LINS1: variants seen among roughly 807,000 people sequenced by gnomAD.
The protein encoded by LINS1 is protein Lines homolog 1.
LINS1 carries 27 observed loss-of-function variants against 41.6 expected under a neutral mutation model. The ratio of observed to expected loss-of-function variants is 0.65; its 90% CI spans 0.48 to 0.89. LINS1 has a LOEUF of 0.89. Ranked by LOEUF, LINS1 falls within the 40% of genes least tolerant of loss-of-function variation. LINS1 has a pLI of 0.00. For missense variants in LINS1, 955 were observed against 884.1 expected (o/e 1.08, Z -1.02); for synonymous variants, 336 against 312.9 (o/e 1.07, Z -0.78).
intron 3 of LINS1, among the ~76,000 whole-genome samples, chr15:100,579,112 C>G (rs1027361288): frequency 2.5e-4 from 38 of 151,838 alleles, no homozygotes; most frequent in Non-Finnish European, 4.9e-4. Flanking sequence ...CAACATGGCA[C>G]ATGTATACAT....
Position 100,583,758 on chromosome 15 carries a change from C to A in LINS1, c.-103-2813G>T, listed in dbSNP as rs187914197. 1.8e-3 allele frequency among the ~76,000 whole-genome samples: 275 copies of A among 152,312 alleles called. 3 individuals carry two copies. The highest frequency in any genetic ancestry group is 6.1e-3 in the African/African-American group (254 of 41,574). ...TCTTCAAGAGGTTTCCCATTATGAA[C>A]ACTCTCCCTATTGCAACTGCCTGAA... On this transcript the variant is annotated intron_variant, in intron 1 of 6. Transcript: ENST00000314742.
chr15:100,580,187 T>C (rs746875723), intron 3 of LINS1, 76 bp downstream of exon 3: 115 of 1,139,392 alleles, frequency 1.0e-4, no homozygotes, highest in Non-Finnish European at 1.4e-4. Flanking sequence ...CAGTGAGACC[T>C]TGTCTCCACA....
rs759233934 is a variant in LINS1 at position 100,569,920 on chromosome 15, A to G, written c.1592T>C (p.Leu531Pro). ...LEYFVRYLKL[L>P]QKDWDNFFTI... is the part of the protein sequence containing the mutation. Reference sequence around the variant, plus strand: ...GAAAAAATTATCCCAGTCCTTTTGCAGTAATTTTAAATATCTAACAAAATA... The same window carrying G: ...GAAAAAATTATCCCAGTCCTTTTGCGGTAATTTTAAATATCTAACAAAATA... The change falls in exon 7 of 7, where the codon CTG becomes CCG. Residue 531 changes from leucine (L) to proline (P), a missense_variant. Transcript: ENST00000314742. 1.2e-6 allele frequency: 2 copies of G among 1,602,680 alleles called. No individual in the cohort carries two copies. Among genetic ancestry groups the G allele is most frequent in the Admixed American group, 3.4e-5 (2 of 58,624 alleles).
At position 100,570,088 on chromosome 15, in the gene LINS1, T is replaced by A; in HGVS notation, c.1424A>T (p.Gln475Leu). Residue 475 changes from glutamine to leucine, a missense_variant, in exon 7 of 7, where the codon CAG becomes CTG. Coordinates refer to ENST00000314742, the MANE Select transcript of LINS1 (RefSeq NM_001040616.3). ...RGCEATESLTQGKEMWDHHTH... is the reference protein window; with the variant it reads ...RGCEATESLTLGKEMWDHHTH... The stretch of plus-strand genomic sequence containing the variant: ...GTGATGGTCCCACATTTCTTTTCCC[T>A]GAGTCAAGCTTTCAGTGGCTTCACA... 1 of 1,585,836 alleles carries A rather than the reference T, an allele frequency of 6.3e-7. No individual in the cohort carries two copies. The highest frequency in any genetic ancestry group is 8.5e-7 in the Non-Finnish European group (1 of 1,174,166).
intron 1 of LINS1, among the ~76,000 whole-genome samples, chr15:100,596,321 C>T (rs1248823032): frequency 2.0e-5 from 3 of 152,070 alleles, no homozygotes; most frequent in Non-Finnish European, 4.4e-5. Flanking sequence ...GGGGTGGGGC[C>T]CAGTAATTTG....
rs542250712 is a variant in LINS1, at chr15:100,591,133, T to A, written c.-103-10188A>T. Among the ~76,000 whole-genome samples the A allele has an allele frequency of 2.1e-3, 316 of 152,234 alleles. 2 individuals are homozygous for A. The highest frequency in any genetic ancestry group is 6.8e-3 in the Middle Eastern group (2 of 294). ...CAGAGGTTGCAGTGAGCCAAGATCA[T>A]GCCATTGCACTCCAGCCTGGGCGAA... On this transcript the variant is annotated intron_variant, in intron 1 of 6. Transcript: ENST00000314742.
At chr15:100,575,355 A>C (rs140548069) in intron 3 of LINS1, among the ~76,000 whole-genome samples, 6,880 of 152,230 alleles carry the variant, frequency 0.045, 181 homozygotes, top group Middle Eastern at 0.082. Context: ...GAAAACAAAA[A>C]AAGGCAGGGG....
intron 1 of LINS1, among the ~76,000 whole-genome samples, chr15:100,595,397 G>A (rs2039202459): frequency 6.6e-6 from 1 of 151,570 alleles, no homozygotes; most frequent in Non-Finnish European, 1.5e-5. Flanking sequence ...CACCAAAGAG[G>A]ATATAAAGAT....
At chr15:100,600,232 C>T (rs1437604218) in intron 1 of LINS1, among the ~76,000 whole-genome samples, 2 of 152,136 alleles carry the variant, frequency 1.3e-5, no homozygotes, top group Non-Finnish European at 2.9e-5. Context: ...GAATAAAAGA[C>T]AGATTGGTCA....
chr15:100,576,301 G>A (rs369132234), intron 3 of LINS1, among the ~76,000 whole-genome samples: 1 of 152,112 alleles, frequency 6.6e-6, no homozygotes, highest in African/African-American at 2.4e-5. Context: ...GAAGAAAAGA[G>A]AGAAGAATCA....
chr15:100,572,767 CTT>C (rs2037903483), intron 5 of LINS1: 5 of 980,216 alleles, frequency 5.1e-6, no homozygotes, highest in Non-Finnish European at 4.8e-6. Context: ...AAATGGAAGA[CTT>C]TGAACTCCTG....
chr15:100,592,232 T>G (rs1195308948), intron 1 of LINS1, among the ~76,000 whole-genome samples: 2 of 152,262 alleles, frequency 1.3e-5, no homozygotes, highest in African/African-American at 4.8e-5. Context: ...TCTCTGCTTT[T>G]GTTGCTTCAT....
intron 6 of LINS1, 104 bp downstream of exon 6, chr15:100,571,789 TC>T (rs2037839948): frequency 3.0e-6 from 4 of 1,326,146 alleles, no homozygotes; most frequent in South Asian, 1.2e-5. Context: ...CAGGATGTTT[TC>T]CCCCAAATGA....
chr15:100,580,223 A>T, intron 3 of LINS1, 40 bp downstream of exon 3: 1 of 1,424,886 alleles, frequency 7.0e-7, no homozygotes, highest in South Asian at 1.2e-5. Flanking sequence ...AAAAAAATTA[A>T]GAAAGAGAAA....
intron 1 of LINS1, among the ~76,000 whole-genome samples, chr15:100,598,693 C>T (rs1432729154): frequency 6.6e-6 from 1 of 152,226 alleles, no homozygotes; most frequent in Non-Finnish European, 1.5e-5. Context: ...AATTTCTCTA[C>T]CCAGCCCCAT....
At chr15:100,598,254 T>G (rs1464893624) in intron 1 of LINS1, among the ~76,000 whole-genome samples, 1 of 152,254 alleles carries the variant, frequency 6.6e-6, no homozygotes, top group Non-Finnish European at 1.5e-5. Context: ...TAGGTACTTA[T>G]ATTTGTGGAA....
rs766227804 is a variant in LINS1 at position 100,580,571 on chromosome 15, A to T, written c.272T>A (p.Leu91His). 2.5e-6 allele frequency: 4 copies of T among 1,613,946 alleles called. No homozygotes were observed. In the Admixed American group the frequency reaches 6.7e-5, roughly 27 times the overall value. ...CATCACTTTGATCACTGTTAACTGAAGGAGCATTACTTCTCTGGAACCGCT... is the reference window on the plus strand; with the variant it reads ...CATCACTTTGATCACTGTTAACTGATGGAGCATTACTTCTCTGGAACCGCT... The part of the protein sequence containing the change: ...QMSGSREVML[L>H]QLTVIKVMTT... Residue 91 changes from leucine to histidine, a missense_variant, in exon 2 of 7, where the codon CTT becomes CAT. Transcript: ENST00000314742.
chr15:100,592,881 AT>A (rs56213128), intron 1 of LINS1, among the ~76,000 whole-genome samples: 4 of 152,358 alleles, frequency 2.6e-5, no homozygotes, highest in Non-Finnish European at 5.9e-5. Flanking sequence ...ACTCCTCTTA[AT>A]TACACTGTCT....
chr15:100,568,606 G>A lies in LINS1; in HGVS notation c.*632C>T, dbSNP rs1174178367. 6.6e-6 allele frequency: 1 copy of A among 152,438 alleles called. No homozygotes were observed. The highest frequency in any genetic ancestry group is 1.5e-5 in the Non-Finnish European group (1 of 68,248). 9.4% of individuals were successfully genotyped at this position (152,438 alleles called of 1,614,324 possible). ...CTGCTGAAGCCTGAGTTTGGATTCTGGCCTCCAAAACTATGAGGATAATTC... is the reference window on the plus strand; with the variant it reads ...CTGCTGAAGCCTGAGTTTGGATTCTAGCCTCCAAAACTATGAGGATAATTC... On this transcript the variant is annotated 3_prime_UTR_variant, in exon 7 of 7. Transcript: ENST00000314742.
Sources: gnomAD v4.1 joint callset for allele counts (sites outside exome capture counted in the v4.1 genomes callset) on GRCh38, gnomAD v4.1.1 for gene constraint, MANE v1.5 for transcripts, NCBI Gene and HGNC (gene_info 2026-07-23, HGNC 2026-07-21) for gene names.